CERS3: variants seen among roughly 807,000 people sequenced by gnomAD.
CERS3 encodes ceramide synthase 3.
Under a neutral mutation model 50.3 loss-of-function variants are expected in CERS3, and 33 were observed. That is an observed-to-expected ratio of 0.66 (90% CI 0.50 to 0.88). The LOEUF is 0.88. Ranked by LOEUF, CERS3 falls within the 40% of genes least tolerant of loss-of-function variation. The pLI is 0.00. For synonymous variants in CERS3, 176 were observed against 155.2 expected, an observed-to-expected ratio of 1.13 and a Z score of -0.99; for missense variants, 470 against 460.3, an observed-to-expected ratio of 1.02 and a Z score of -0.19.
At chr15:100,418,689 G>A (rs1160466727) in intron 11 of CERS3, among the ~76,000 whole-genome samples, 24 of 130,722 alleles carry the variant, frequency 1.8e-4, no homozygotes, top group South Asian at 7.8e-4. Flanking sequence ...GAGAAAGGTC[G>A]GGTTACCCTC....
chr15:100,479,895 C>T (rs1383305115), intron 6 of CERS3, 94 bp downstream of exon 6: 3 of 865,444 alleles, frequency 3.5e-6, no homozygotes, highest in Admixed American at 2.6e-5. Flanking sequence ...AACTGGTTAT[C>T]TTATTGAAAG....
intron 1 of CERS3, among the ~76,000 whole-genome samples, chr15:100,527,138 T>C (rs566267585): frequency 6.6e-6 from 1 of 151,790 alleles, no homozygotes; most frequent in South Asian, 2.1e-4. Context: ...CTACTAAAAC[T>C]ACAAAAAAAT....
At chr15:100,444,907 C>T (rs976602503) in intron 11 of CERS3, among the ~76,000 whole-genome samples, 3 of 152,164 alleles carry the variant, frequency 2.0e-5, no homozygotes, top group African/African-American at 7.2e-5. Flanking sequence ...AGTCCAATAG[C>T]AGACCGGCCT....
At position 100,400,942 on chromosome 15, in the gene CERS3, G is replaced by A. The variant is rs180723523; in HGVS notation, c.*1771C>T. 1.3e-5 allele frequency: 2 copies of A among 152,100 alleles called. No homozygotes were observed. Among genetic ancestry groups the A allele is most frequent in the Non-Finnish European group, 2.9e-5 (2 of 68,014 alleles). The allele number at this position is 152,100 out of a possible 1,614,324, so 9.4% of individuals were successfully genotyped here. Reference sequence around the variant, plus strand: ...TCCTCATAAAAGCAAATGTTATACAGAGAAAATCTGACCTTGTTTGTAACA... The same window carrying A: ...TCCTCATAAAAGCAAATGTTATACAAAGAAAATCTGACCTTGTTTGTAACA... On this transcript the variant is annotated 3_prime_UTR_variant, in exon 12 of 12. Coordinates refer to ENST00000679737, the MANE Select transcript of CERS3 (RefSeq NM_001378789.1).
At chr15:100,479,319 T>C in intron 7 of CERS3, 109 bp downstream of exon 7, 2 of 735,048 alleles carry the variant, frequency 2.7e-6, no homozygotes, top group South Asian at 4.0e-5. Context: ...GTGCCAGGGA[T>C]GACACAGTAG....
intron 2 of CERS3, among the ~76,000 whole-genome samples, chr15:100,521,183 T>C (rs2036628675): frequency 6.6e-6 from 1 of 152,230 alleles, no homozygotes; most frequent in Non-Finnish European, 1.5e-5. Flanking sequence ...ATCAAGTCAA[T>C]ATTTGCGAAC....
At chr15:100,434,888 G>A (rs559106013) in intron 11 of CERS3, among the ~76,000 whole-genome samples, 18 of 152,146 alleles carry the variant, frequency 1.2e-4, no homozygotes, top group Admixed American at 2.0e-4. Flanking sequence ...AATTCATTTC[G>A]TTTTGGGAAA....
chr15:100,483,135 C>G (rs1359947936), intron 5 of CERS3, among the ~76,000 whole-genome samples: 1 of 152,188 alleles, frequency 6.6e-6, no homozygotes, highest in Non-Finnish European at 1.5e-5. Flanking sequence ...CTTCAAGGTC[C>G]AACCTATGTC....
intron 3 of CERS3, among the ~76,000 whole-genome samples, chr15:100,491,433 T>A (rs2142300221): frequency 1.3e-5 from 2 of 152,272 alleles, no homozygotes; most frequent in East Asian, 3.9e-4. Context: ...CAAGTTGTTT[T>A]CCAAAGTGAC....
At chr15:100,527,553 T>G (rs919767768) in intron 1 of CERS3, among the ~76,000 whole-genome samples, 1 of 152,190 alleles carries the variant, frequency 6.6e-6, no homozygotes, top group African/African-American at 2.4e-5. Flanking sequence ...GTTAATGGAA[T>G]AGAATGGGAA....
At chr15:100,449,337 T>C (rs1331082191) in intron 11 of CERS3, among the ~76,000 whole-genome samples, 2 of 152,198 alleles carry the variant, frequency 1.3e-5, no homozygotes, top group Non-Finnish European at 2.9e-5. Context: ...GATTGTTAAG[T>C]GACTGCTACC....
chr15:100,482,456 G>A lies in CERS3; in HGVS notation c.407+2094C>T, dbSNP rs543218031. Reference sequence around the variant, plus strand: ...GCATGGATCAGATGAGGGTAAGGCCGCATCCACCCAGCCGGGGAGAGCCCT... The same window carrying A: ...GCATGGATCAGATGAGGGTAAGGCCACATCCACCCAGCCGGGGAGAGCCCT... On this transcript the variant is annotated intron_variant, in intron 5 of 11. Transcript: ENST00000679737. Among the ~76,000 whole-genome samples the A allele has an allele frequency of 1.4e-3, 215 of 152,176 alleles. 2 individuals carry two copies. The highest frequency in any genetic ancestry group is 2.4e-3 in the Non-Finnish European group (166 of 68,008).
chr15:100,514,879 GATTCAAC>G (rs2036448759), intron 2 of CERS3, among the ~76,000 whole-genome samples: 1 of 152,122 alleles, frequency 6.6e-6, no homozygotes, highest in Non-Finnish European at 1.5e-5. Context: ...TGTTATCACT[GATTCAAC>G]ATTAGGAAAA....
intron 11 of CERS3, among the ~76,000 whole-genome samples, chr15:100,432,593 A>G (rs184625580): frequency 3.3e-5 from 5 of 152,332 alleles, no homozygotes; most frequent in Admixed American, 2.0e-4. Context: ...TTGATTTTGT[A>G]TGAGTCAGAC....
intron 11 of CERS3, among the ~76,000 whole-genome samples, chr15:100,409,568 A>G (rs2031316358): frequency 6.6e-6 from 1 of 152,214 alleles, no homozygotes; most frequent in Non-Finnish European, 1.5e-5. Flanking sequence ...TCTAGGGGGA[A>G]CAAGGCATCT....
chr15:100,538,446 C>T (rs1167551819), intron 1 of CERS3, among the ~76,000 whole-genome samples: 2 of 152,254 alleles, frequency 1.3e-5, no homozygotes, highest in African/African-American at 4.8e-5. Flanking sequence ...TCTATACATC[C>T]TCTGAAATCT....
chr15:100,541,520 A>G (rs2037202317), intron 1 of CERS3, among the ~76,000 whole-genome samples: 2 of 152,198 alleles, frequency 1.3e-5, no homozygotes, highest in South Asian at 4.1e-4. Flanking sequence ...CTTAATAAGG[A>G]AAAGGAAACT....
chr15:100,479,818 T>TA lies in CERS3; in HGVS notation c.465+170dup, dbSNP rs541578349. Among the ~76,000 whole-genome samples the TA allele has an allele frequency of 1.5e-3, 222 of 152,182 alleles. 3 individuals carry two copies. The highest frequency in any genetic ancestry group is 5.2e-3 in the African/African-American group (217 of 41,544). Reference sequence around the variant, plus strand: ...AATTGTATTATTGCTTCTGCAGCAATAAAAAAATCTTGAGACATCTGTAGC... The same window carrying TA: ...AATTGTATTATTGCTTCTGCAGCAATAAAAAAAATCTTGAGACATCTGTAGC... On this transcript the variant is annotated intron_variant, in intron 6 of 11. Coordinates refer to ENST00000679737, the MANE Select transcript of CERS3 (RefSeq NM_001378789.1).
chr15:100,405,249 CAAAAAAAAA>C (rs76574394), intron 11 of CERS3, among the ~76,000 whole-genome samples: 1 of 39,162 alleles, frequency 2.6e-5, no homozygotes, highest in Non-Finnish European at 6.1e-5. Flanking sequence ...AAAAAAAAAA[CAAAAAAAAA>C]CCCCTAATTT....
Sources: allele counts gnomAD v4.1 joint callset (sites outside exome capture counted in the v4.1 genomes callset), GRCh38; gene constraint gnomAD v4.1.1; transcripts MANE v1.5; gene names NCBI Gene and HGNC (gene_info 2026-07-23, HGNC 2026-07-21).